Variants in WNT7B observed in about 807,000 individuals in gnomAD.
The protein encoded by WNT7B is protein Wnt-7b.
In WNT7B, 19 loss-of-function variants were observed where a neutral mutation model predicts 38.2. The observed-to-expected ratio is 0.50, with a 90% CI of 0.35 to 0.73. The LOEUF (loss-of-function observed/expected upper bound fraction) is 0.73, where lower values mean the gene tolerates loss of function less well. WNT7B is among the 30% of genes least tolerant of loss of function. The probability of loss-of-function intolerance (pLI) is 0.01; values close to 1 mark genes in which losing one functional copy is unlikely to be tolerated. For missense variants in WNT7B, 423 were observed against 507.9 expected (o/e 0.83, Z 1.61); for synonymous variants, 243 against 209.3 (o/e 1.16, Z -1.39).
At chr22:45,949,054 C>T (rs1322259457) in intron 2 of WNT7B, among the ~76,000 whole-genome samples, 3 of 152,034 alleles carry the variant, frequency 2.0e-5, no homozygotes, top group Non-Finnish European at 2.9e-5. Flanking sequence ...TGGTCTCGAT[C>T]TCTTGACCTC....
At chr22:45,955,036 G>A (rs963385584) in intron 1 of WNT7B, among the ~76,000 whole-genome samples, 5 of 152,252 alleles carry the variant, frequency 3.3e-5, no homozygotes, top group African/African-American at 1.2e-4. Flanking sequence ...AACATGGCCT[G>A]GAGCAGGCAC....
At chr22:45,950,223 C>T (rs1931900450) in intron 1 of WNT7B, 77 bp from the exon 2 acceptor site, 4 of 1,257,250 alleles carry the variant, frequency 3.2e-6, no homozygotes, top group African/African-American at 3.0e-5. Flanking sequence ...CTTTCCCCCA[C>T]TCAGCCTCTC....
chr22:45,961,372 G>A (rs182576381), intron 1 of WNT7B, among the ~76,000 whole-genome samples: 1 of 152,192 alleles, frequency 6.6e-6, no homozygotes, highest in Non-Finnish European at 1.5e-5. Context: ...GCCCGGGAGG[G>A]GCCTTACACC....
chr22:45,955,979 C>T (rs1932051256), intron 1 of WNT7B, among the ~76,000 whole-genome samples: 1 of 152,296 alleles, frequency 6.6e-6, no homozygotes, highest in East Asian at 1.9e-4. Context: ...TTTGGCAGAA[C>T]AGCCCCAAGG....
Position 45,923,324 on chromosome 22 carries a change from G to T in WNT7B, c.582C>A (p.Asp194Glu). ...NNEAGRKVLEDRMQLECKCHG... is the reference protein window; with the variant it reads ...NNEAGRKVLEERMQLECKCHG... ...GGCACTTGCACTCCAGCTGCATCCGGTCCTCTAGAACCTGCGGGTGACAGG... is the reference window on the plus strand; with the variant it reads ...GGCACTTGCACTCCAGCTGCATCCGTTCCTCTAGAACCTGCGGGTGACAGG... The change falls in exon 4 of 4, where the codon GAC becomes GAA. Residue 194 changes from aspartate (D) to glutamate (E), a missense_variant. Transcript: ENST00000339464. The T allele has an allele frequency of 6.2e-7, 1 of 1,605,454 alleles. No individual in the cohort carries two copies. The highest frequency in any genetic ancestry group is 8.5e-7 in the Non-Finnish European group (1 of 1,174,600).
chr22:45,926,438 A>G (rs756506683), intron 3 of WNT7B: 47 of 985,244 alleles, frequency 4.8e-5, no homozygotes, highest in Non-Finnish European at 5.7e-5. Flanking sequence ...GGCCAATTCA[A>G]TGTTCTTTCC....
rs528108376 is a variant in WNT7B at position 45,922,817 on chromosome 22, C to T, written c.*39G>A. 1.1e-4 allele frequency: 167 copies of T among 1,561,964 alleles called. No individual in the cohort carries two copies. Among genetic ancestry groups the T allele is most frequent in the Admixed American group, 3.7e-4 (21 of 56,624 alleles). ...GAGGAGTGGATGTGCAAAATGCCGC[C>T]GGGTTCCAGGGTGCCCGCGGCCGCC... On this transcript the variant is annotated 3_prime_UTR_variant, in exon 4 of 4. Coordinates refer to ENST00000339464, the MANE Select transcript of WNT7B (RefSeq NM_058238.3).
rs1930901861 is a variant in WNT7B, at chr22:45,920,713, G to GGATGGGA, written c.*2136_*2142dup. 1.5e-5 allele frequency: 2 copies of GGATGGGA among 131,878 alleles called. No homozygotes were observed. The highest frequency in any genetic ancestry group is 5.8e-5 in the African/African-American group (2 of 34,766). The allele number at this position is 131,878 out of a possible 1,614,324, so 8.2% of individuals were successfully genotyped here. Reference sequence around the variant, plus strand: ...GGGATGGGGTCAGGGATGGGATGGGGGATGGGATGAGGGATGAGATGAGGG... The same window carrying GGATGGGA: ...GGGATGGGGTCAGGGATGGGATGGGGGATGGGAGATGGGATGAGGGATGAGATGAGGG... On this transcript the variant is annotated 3_prime_UTR_variant, in exon 4 of 4. Transcript: ENST00000339464.
At chr22:45,929,029 C>A (rs1046199997) in intron 3 of WNT7B, among the ~76,000 whole-genome samples, 1 of 152,078 alleles carries the variant, frequency 6.6e-6, no homozygotes, top group Admixed American at 6.5e-5. Context: ...CTGAGCCTCA[C>A]TCTCCTTATC....
At chr22:45,938,423 G>C (rs1265415680) in intron 2 of WNT7B, among the ~76,000 whole-genome samples, 1 of 152,116 alleles carries the variant, frequency 6.6e-6, no homozygotes, top group Non-Finnish European at 1.5e-5. Flanking sequence ...GATCACCTGA[G>C]GTCAGGAGTT....
intron 3 of WNT7B, among the ~76,000 whole-genome samples, chr22:45,929,936 T>A (rs1358469836): frequency 4.1e-5 from 2 of 49,000 alleles, no homozygotes; most frequent in East Asian, 1.3e-3. Flanking sequence ...ATCCACCCAC[T>A]CATCCTTCCA....
At chr22:45,962,755 G>T (rs1359625806) in intron 1 of WNT7B, among the ~76,000 whole-genome samples, 1 of 152,242 alleles carries the variant, frequency 6.6e-6, no homozygotes, top group Non-Finnish European at 1.5e-5. Flanking sequence ...AAGGATGGGA[G>T]TCCCAGTCCT....
chr22:45,922,340 C>T lies in WNT7B; in HGVS notation c.*516G>A, dbSNP rs1393425632. ...TGGCTATGTGTTAGTGCCGAGAATC[C>T]TCTTCTGATACTAAGAAAACATAAA... is the stretch of plus-strand genomic sequence containing the variant. On this transcript the variant is annotated 3_prime_UTR_variant, in exon 4 of 4. Coordinates refer to ENST00000339464, the MANE Select transcript of WNT7B (RefSeq NM_058238.3). 1.3e-5 allele frequency: 2 copies of T among 157,246 alleles called. No individual in the cohort carries two copies. The highest frequency in any genetic ancestry group is 1.9e-4 in the East Asian group (1 of 5,382). The allele number at this position is 157,246 out of a possible 1,614,324, so 9.7% of individuals were successfully genotyped here.
At chr22:45,959,446 C>A (rs890604856) in intron 1 of WNT7B, among the ~76,000 whole-genome samples, 1 of 152,150 alleles carries the variant, frequency 6.6e-6, no homozygotes, top group Non-Finnish European at 1.5e-5. Flanking sequence ...CGAGAGGGCA[C>A]AGCTCCCCGC....
rs1299111032 is a variant in WNT7B at position 45,970,533 on chromosome 22, AC to A, written c.71+6150del. Among the ~76,000 whole-genome samples, 9 of 144,472 alleles carry A rather than the reference AC, an allele frequency of 6.2e-5. No individual in the cohort carries two copies. In the East Asian group the frequency reaches 1.9e-3, roughly 30 times the overall value. 94.8% of individuals were successfully genotyped at this position (144,472 alleles called of 152,430 possible). On this transcript the variant is annotated intron_variant, in intron 1 of 3. Transcript: ENST00000339464. The stretch of plus-strand genomic sequence containing the variant: ...CTCCCTCTCTCCGACCCTTACCCCA[AC>A]CCCCAACCCCCCCACTTCCCTTGCC...
intron 1 of WNT7B, among the ~76,000 whole-genome samples, chr22:45,955,458 A>G (rs1020309511): frequency 3.9e-5 from 6 of 152,074 alleles, no homozygotes; most frequent in African/African-American, 1.4e-4. Flanking sequence ...CCCTCAGCAA[A>G]CCCTGCGGGG....
At chr22:45,923,765 C>G (rs1930998342) in intron 3 of WNT7B, among the ~76,000 whole-genome samples, 1 of 152,120 alleles carries the variant, frequency 6.6e-6, no homozygotes, top group South Asian at 2.1e-4. Context: ...ATTACCCCAC[C>G]CTGCCATCTC....
chr22:45,964,182 G>A (rs907902023), intron 1 of WNT7B, among the ~76,000 whole-genome samples: 2 of 151,974 alleles, frequency 1.3e-5, no homozygotes, highest in East Asian at 1.9e-4. Flanking sequence ...ACTGCAGCCC[G>A]GAGCCACTGA....
intron 3 of WNT7B, among the ~76,000 whole-genome samples, chr22:45,928,433 C>T (rs1416832969): frequency 1.3e-5 from 2 of 152,220 alleles, no homozygotes; most frequent in Non-Finnish European, 2.9e-5. Context: ...GGACAAAGTG[C>T]ATTGCACCCA....
Sources: gnomAD v4.1 joint callset for allele counts (sites outside exome capture counted in the v4.1 genomes callset) on GRCh38, gnomAD v4.1.1 for gene constraint, MANE v1.5 for transcripts, NCBI Gene and HGNC (gene_info 2026-07-23, HGNC 2026-07-21) for gene names.